Variants in TENM1 observed in about 807,000 individuals in gnomAD.
The protein encoded by TENM1 is teneurin-1.
In TENM1, 35 loss-of-function variants were observed where a neutral mutation model predicts 174.8. The observed-to-expected ratio is 0.20, with a 90% confidence interval of 0.15 to 0.27. The LOEUF (loss-of-function observed/expected upper bound fraction) is 0.27. Among genes scored for constraint, TENM1 ranks in the 10% least tolerant of loss-of-function variants. The pLI, the probability that TENM1 is intolerant of heterozygous loss-of-function variation, is 1.00. For missense variants in TENM1, 1,633 were observed against 2,130.1 expected (o/e 0.77, Z 4.59); for synonymous variants, 781 against 798.7 (o/e 0.98, Z 0.37).
intron 1 of TENM1, among the ~76,000 whole-genome samples, chrX:124,898,122 A>G (rs1418802157): frequency 1.8e-5 from 2 of 111,718 alleles, no homozygotes; most frequent in East Asian, 5.6e-4. Flanking sequence ...CTGCTTCAGA[A>G]TCACCTAGAA....
intron 1 of TENM1, among the ~76,000 whole-genome samples, chrX:124,940,661 T>C (rs145118191): frequency 0.013 from 1,402 of 111,187 alleles, 16 homozygotes; most frequent in African/African-American, 0.043. Context: ...TAATGTTTCT[T>C]ACTCTACTCA....
At chrX:124,609,506 G>T (rs2148301587) in intron 11 of TENM1, among the ~76,000 whole-genome samples, 1 of 111,393 alleles carries the variant, frequency 9.0e-6, no homozygotes, top group African/African-American at 3.3e-5. Context: ...TAGTTGCCAG[G>T]GATTCAAATT....
At chrX:125,119,188 C>T in the TENM1 span, among the ~76,000 whole-genome samples, 4 of 111,401 alleles carry the variant, frequency 3.6e-5, no homozygotes, top group African/African-American at 1.3e-4. Context: ...AAGGACACTA[C>T]AACAGCTTTT....
At chrX:125,184,391 T>C in the TENM1 span, among the ~76,000 whole-genome samples, 1 of 112,118 alleles carries the variant, frequency 8.9e-6, no homozygotes, top group African/African-American at 3.2e-5. Flanking sequence ...TTTAAGTAAG[T>C]TTATCTTTTA....
intron 3 of TENM1, among the ~76,000 whole-genome samples, chrX:124,877,507 A>C (rs1308295459): frequency 8.9e-6 from 1 of 111,796 alleles, no homozygotes; most frequent in Non-Finnish European, 1.9e-5. Context: ...TCATTCAAGG[A>C]ATTTAAGATA....
chrX:124,885,837 C>CA (rs761862919), intron 3 of TENM1, among the ~76,000 whole-genome samples: 1 of 111,165 alleles, frequency 9.0e-6, no homozygotes, highest in Non-Finnish European at 1.9e-5. Context: ...TCAATTATTT[C>CA]AAAAAATGAT....
chrX:124,424,590 T>TGGCTTAA (rs1336155075), intron 23 of TENM1, among the ~76,000 whole-genome samples: 1 of 111,674 alleles, frequency 9.0e-6, no homozygotes, highest in Non-Finnish European at 1.9e-5. Context: ...TTTCTGTGCC[T>TGGCTTAA]GGCTTATTTC....
chrX:124,920,983 A>C (rs2058011272), intron 1 of TENM1, among the ~76,000 whole-genome samples: 1 of 100,735 alleles, frequency 9.9e-6, no homozygotes, highest in South Asian at 4.5e-4. Flanking sequence ...GTCCCTTTAT[A>C]TAACAAGACT....
exon 15 of TENM1, chrX:124,547,019 C>T: frequency 1.7e-6 from 2 of 1,211,157 alleles, no homozygotes; most frequent in Non-Finnish European, 2.2e-6. Context: ...TCTGGTGAGC[C>T]CTGGCAGAGA....
intron 24 of TENM1, among the ~76,000 whole-genome samples, chrX:124,421,827 C>A (rs780159210): frequency 9.0e-5 from 10 of 111,487 alleles, no homozygotes; most frequent in Middle Eastern, 4.6e-3. Flanking sequence ...GAAAACCAAC[C>A]ACTTATGGGG....
At chrX:124,640,309 A>G (rs749707819) in intron 11 of TENM1, among the ~76,000 whole-genome samples, 1 of 111,602 alleles carries the variant, frequency 9.0e-6, no homozygotes, top group East Asian at 2.8e-4. Context: ...ATTGCAGTGA[A>G]TTATTACGCT....
chrX:124,495,370 T>C (rs1351691985), intron 20 of TENM1, among the ~76,000 whole-genome samples: 10 of 107,737 alleles, frequency 9.3e-5, no homozygotes, highest in Non-Finnish European at 1.5e-4. Flanking sequence ...GTTTGTTTTT[T>C]TCTTGTAAAT....
intron 4 of TENM1, among the ~76,000 whole-genome samples, chrX:124,719,301 T>C (rs1470480485): frequency 2.7e-5 from 3 of 110,375 alleles, no homozygotes; most frequent in Non-Finnish European, 5.7e-5. Context: ...AGAGAGCATA[T>C]ACAACTCACC....
At chrX:124,961,359 A>T (rs1237813723) in intron 1 of TENM1, among the ~76,000 whole-genome samples, 1 of 111,950 alleles carries the variant, frequency 8.9e-6, no homozygotes, top group Non-Finnish European at 1.9e-5. Context: ...GGTTAAAAAG[A>T]GGCCGGGCAT....
At chrX:125,130,975 A>G in the TENM1 span, among the ~76,000 whole-genome samples, 1 of 112,186 alleles carries the variant, frequency 8.9e-6, no homozygotes, top group African/African-American at 3.2e-5. Context: ...TCAGAGGGTT[A>G]TGGAGTATAA....
At chrX:124,462,706 A>C (rs1362590816) in intron 22 of TENM1, among the ~76,000 whole-genome samples, 1 of 111,578 alleles carries the variant, frequency 9.0e-6, no homozygotes. Flanking sequence ...TGGATTTTAG[A>C]ATTAGTTTTT....
chrX:125,036,448 G>C, the TENM1 span, among the ~76,000 whole-genome samples: 1 of 111,681 alleles, frequency 9.0e-6, no homozygotes. Flanking sequence ...TTGTAAAGGG[G>C]AGACATAAAG....
At chrX:124,752,722 T>G (rs2054110316) in intron 3 of TENM1, among the ~76,000 whole-genome samples, 1 of 111,445 alleles carries the variant, frequency 9.0e-6, no homozygotes, top group South Asian at 3.8e-4. Context: ...GCTAGCCAGT[T>G]TTCCCAGCAC....
intron 22 of TENM1, among the ~76,000 whole-genome samples, chrX:124,459,602 T>C (rs998014781): frequency 4.5e-5 from 5 of 111,587 alleles, no homozygotes; most frequent in African/African-American, 6.5e-5. Context: ...CAAGATGGAT[T>C]AAAGACTTAA....
Sources: gnomAD v4.1 joint callset for allele counts (sites outside exome capture counted in the v4.1 genomes callset) on GRCh38, gnomAD v4.1.1 for gene constraint, MANE v1.5 for transcripts, NCBI Gene and HGNC (gene_info 2026-07-23, HGNC 2026-07-21) for gene names.